Variants in LRIG3 observed in about 807,000 individuals in gnomAD.
LRIG3 encodes the protein leucine-rich repeats and immunoglobulin-like domains protein 3.
In LRIG3, 76 loss-of-function variants were observed where a neutral mutation model predicts 114.5. The ratio of observed to expected loss-of-function variants is 0.66; its 90% CI spans 0.55 to 0.80. LRIG3 has a LOEUF of 0.80. Ranked by LOEUF, LRIG3 falls within the 30% of genes least tolerant of loss-of-function variation. LRIG3 has a pLI of 0.00. For synonymous variants in LRIG3, 512 were observed against 519.8 expected (o/e 0.98, Z 0.20); for missense variants, 1,239 against 1,382.8 (o/e 0.90, Z 1.65).
rs1871095775 is a variant in LRIG3 at position 58,880,666 on chromosome 12, T to C, written c.1716A>G (p.Glu572=). Residue 572 remains glutamate (E), a synonymous_variant, in exon 13 of 19, where the codon GAA becomes GAG. Transcript: ENST00000320743. ...ACTGATATTTCCCCTCACTGGCAAA[T>C]TCCACCTCGCGCAGCCGAAGGATGG... ...YTTILRLREV[E]FASEGKYQCV... 1 of 1,614,192 alleles carries C rather than the reference T, an allele frequency of 6.2e-7. No individual in the cohort carries two copies. Among genetic ancestry groups the C allele is most frequent in the Non-Finnish European group, 8.5e-7 (1 of 1,180,032 alleles).
chr12:58,880,891 G>A lies in LRIG3; in HGVS notation c.1491C>T (p.Pro497=). 1 of 1,610,488 alleles carries A rather than the reference G, an allele frequency of 6.2e-7. No individual in the cohort carries two copies. The part of the protein sequence containing the change: ...SPDGFVCDDF[P]KPQITVQPET... ...CTGGCTGAACCGTGATCTGGGGTTTGGGAAAATCATCTGTTAAAAATGGAG... is the reference window on the plus strand; with the variant it reads ...CTGGCTGAACCGTGATCTGGGGTTTAGGAAAATCATCTGTTAAAAATGGAG... Residue 497 remains proline, a synonymous_variant, in exon 13 of 19, where the codon CCC becomes CCT. Coordinates refer to ENST00000320743, the MANE Select transcript of LRIG3 (RefSeq NM_153377.5).
chr12:58,897,220 T>A (rs905613669), intron 3 of LRIG3, among the ~76,000 whole-genome samples: 7 of 152,204 alleles, frequency 4.6e-5, no homozygotes, highest in Non-Finnish European at 1.0e-4. Context: ...GAAACTTGTG[T>A]AAGGAGACAG....
chr12:58,912,382 G>C (rs1872317018), intron 3 of LRIG3, among the ~76,000 whole-genome samples: 2 of 152,152 alleles, frequency 1.3e-5, no homozygotes. Flanking sequence ...TGTAGTCCCA[G>C]CTACTTGGGA....
At chr12:58,908,167 G>A (rs1166167368) in intron 3 of LRIG3, among the ~76,000 whole-genome samples, 1 of 152,192 alleles carries the variant, frequency 6.6e-6, no homozygotes, top group Non-Finnish European at 1.5e-5. Context: ...CGCGGCATTA[G>A]GTTCCAAGCC....
rs1871012761 is a variant in LRIG3, at chr12:58,878,682, T to C, written c.2083+142A>G. 5.1e-6 allele frequency: 5 copies of C among 989,886 alleles called. No homozygotes were observed. The East Asian group carries it at 1.2e-4, about 25-fold the overall frequency. The allele number at this position is 989,886 out of a possible 1,614,324, so 61.3% of individuals were successfully genotyped here. A position where few individuals can be genotyped will look rare whatever the true frequency, so the allele number is the denominator to read the frequency against. ...GACTTCAAAGTGTTCAAGAGGCCATTTGCATTAATACTTTCTAGGAAAAGG... is the reference window on the plus strand; with the variant it reads ...GACTTCAAAGTGTTCAAGAGGCCATCTGCATTAATACTTTCTAGGAAAAGG... On this transcript the variant is annotated intron_variant, in intron 14 of 18. Coordinates refer to ENST00000320743, the MANE Select transcript of LRIG3 (RefSeq NM_153377.5).
intron 1 of LRIG3, chr12:58,919,657 C>T: frequency 7.6e-7 from 1 of 1,319,292 alleles, no homozygotes; most frequent in Non-Finnish European, 1.0e-6. Context: ...CCGCTTATCT[C>T]CCCTGGGCCT....
chr12:58,919,597 C>T, intron 1 of LRIG3: 2 of 1,525,292 alleles, frequency 1.3e-6, no homozygotes, highest in South Asian at 2.5e-5. Context: ...TAAAACTGAA[C>T]CAGACTCATA....
At chr12:58,903,817 T>C (rs1230273349) in intron 3 of LRIG3, among the ~76,000 whole-genome samples, 2 of 152,148 alleles carry the variant, frequency 1.3e-5, no homozygotes, top group East Asian at 3.9e-4. Flanking sequence ...ATTTATTAAA[T>C]AGGGAATCCT....
At chr12:58,912,980 C>T (rs577756755) in intron 3 of LRIG3, among the ~76,000 whole-genome samples, 2 of 152,328 alleles carry the variant, frequency 1.3e-5, no homozygotes, top group East Asian at 3.9e-4. Flanking sequence ...TCACTTAGCT[C>T]TTATTCAAAC....
rs148905287 is a variant in LRIG3 at position 58,910,842 on chromosome 12, A to G, written c.383+3140T>C. On this transcript the variant is annotated intron_variant, in intron 3 of 18. Transcript: ENST00000320743. ...TCACAGATTCAAACTTCCCTAACCC[A>G]AGGCACAGATTTCAATCATGTCCAA... 9.2e-5 allele frequency among the ~76,000 whole-genome samples: 14 copies of G among 152,236 alleles called. 1 individual carries two copies. The highest frequency in any genetic ancestry group is 3.4e-3 in the Middle Eastern group (1 of 294).
chr12:58,908,712 G>A (rs1168978927), intron 3 of LRIG3, among the ~76,000 whole-genome samples: 1 of 152,176 alleles, frequency 6.6e-6, no homozygotes, highest in Non-Finnish European at 1.5e-5. Context: ...TTTAGCCACT[G>A]GTTTAAACTA....
chr12:58,894,497 G>T (rs573599439), intron 3 of LRIG3, among the ~76,000 whole-genome samples: 3 of 151,596 alleles, frequency 2.0e-5, no homozygotes, highest in African/African-American at 7.3e-5. Flanking sequence ...CCTTAAAAAA[G>T]CTAGATTAAA....
At chr12:58,908,429 C>T (rs970075037) in intron 3 of LRIG3, among the ~76,000 whole-genome samples, 1 of 152,070 alleles carries the variant, frequency 6.6e-6, no homozygotes. Context: ...AAGCTGTATG[C>T]CTGAACACCA....
chr12:58,913,898 TA>T, intron 3 of LRIG3, 83 bp downstream of exon 3: 1 of 1,195,206 alleles, frequency 8.4e-7, no homozygotes, highest in Non-Finnish European at 1.2e-6. Context: ...TTTTTTCTTC[TA>T]AGATCTCTAT....
intron 3 of LRIG3, among the ~76,000 whole-genome samples, chr12:58,896,291 T>C (rs1353467085): frequency 6.6e-6 from 1 of 152,218 alleles, no homozygotes; most frequent in Non-Finnish European, 1.5e-5. Context: ...GTTCTACTTC[T>C]TGATTCACTG....
intron 3 of LRIG3, among the ~76,000 whole-genome samples, chr12:58,900,500 C>A (rs1281587169): frequency 6.6e-6 from 1 of 152,112 alleles, no homozygotes; most frequent in Non-Finnish European, 1.5e-5. Flanking sequence ...TGCACTCAGT[C>A]CATCATGCTT....
rs966068451 is a variant in LRIG3, at chr12:58,872,418, A to G, written c.*154T>C. The G allele has an allele frequency of 9.0e-6, 7 of 774,520 alleles. No homozygotes were observed. Among genetic ancestry groups the G allele is most frequent in the African/African-American group, 1.8e-5 (1 of 56,100 alleles). The allele number at this position is 774,520 out of a possible 1,614,324, so 48.0% of individuals were successfully genotyped here. A position where few individuals can be genotyped will look rare whatever the true frequency, so the allele number is the denominator to read the frequency against. ...CATCATTCCCAGTATAAAAATTTTC[A>G]TAACTTTTTGTAATTTTGGTTCATC... On this transcript the variant is annotated 3_prime_UTR_variant, in exon 19 of 19. Transcript: ENST00000320743.
Position 58,883,035 on chromosome 12 carries a change from G to A in LRIG3, c.1317-3C>T. 2.5e-6 allele frequency: 4 copies of A among 1,605,178 alleles called. No homozygotes were observed. Among genetic ancestry groups the A allele is most frequent in the Non-Finnish European group, 2.6e-6 (3 of 1,175,206 alleles). ...AAAGGCTTGATGTATTTAAATGCCTGAGGAGAGTAATTACATTCAATTTGT... is the reference window on the plus strand; with the variant it reads ...AAAGGCTTGATGTATTTAAATGCCTAAGGAGAGTAATTACATTCAATTTGT... On this transcript the variant is annotated splice_polypyrimidine_tract_variant and splice_region_variant and intron_variant, in intron 11 of 18. Transcript: ENST00000320743.
intron 14 of LRIG3, among the ~76,000 whole-genome samples, chr12:58,878,540 G>A (rs1317404298): frequency 6.6e-6 from 1 of 152,090 alleles, no homozygotes; most frequent in East Asian, 1.9e-4. Flanking sequence ...GAAATTAGAG[G>A]AGGGTGATCC....
Sources: allele counts gnomAD v4.1 joint callset (sites outside exome capture counted in the v4.1 genomes callset), GRCh38; gene constraint gnomAD v4.1.1; transcripts MANE v1.5; gene names NCBI Gene and HGNC (gene_info 2026-07-23, HGNC 2026-07-21).